MSANTD3: variants seen among roughly 807,000 people sequenced by gnomAD.
MSANTD3 encodes Myb/SANT DNA binding domain containing 3, also known as myb/SANT-like DNA-binding domain-containing protein 3.
Under a neutral mutation model 27.7 loss-of-function variants are expected in MSANTD3, and 11 were observed. The ratio of observed to expected loss-of-function variants is 0.40; its 90% confidence interval spans 0.25 to 0.66. The LOEUF is 0.66. Ranked by LOEUF, MSANTD3 falls within the 30% of genes least tolerant of loss-of-function variation. MSANTD3 has a pLI of 0.41. For synonymous variants in MSANTD3, 131 were observed against 127.2 expected (o/e 1.03, Z -0.20); for missense variants, 250 against 336.5 (o/e 0.74, Z 2.01).
At chr9:100,449,109 A>T in intron 2 of MSANTD3, 3 of 985,386 alleles carry the variant, frequency 3.0e-6, no homozygotes, top group Non-Finnish European at 3.6e-6. Flanking sequence ...CAAGGAGAAG[A>T]TGCTCGTTAT....
In MSANTD3 at chr9:100,442,355, A is replaced by G. The variant is rs1836648390; in HGVS notation, c.417A>G (p.Gln139=). The G allele has an allele frequency of 3.7e-6, 6 of 1,608,658 alleles. No individual in the cohort carries two copies. The highest frequency in any genetic ancestry group is 1.3e-5 in the African/African-American group (1 of 74,822). Reference sequence around the variant, plus strand: ...AATACCACCCCGACGCCTCAGCCCAAGGTATCCGTTCCTGATGCCAGTGTG... The same window carrying G: ...AATACCACCCCGACGCCTCAGCCCAGGGTATCCGTTCCTGATGCCAGTGTG... The part of the protein sequence containing the change: ...EPEYHPDASA[Q]ESFAVSNREL... The change falls in exon 2 of 3, where the codon CAA becomes CAG. Residue 139 remains glutamine (Q), a splice_region_variant and synonymous_variant. Coordinates refer to ENST00000395067, the MANE Select transcript of MSANTD3 (RefSeq NM_080655.3).
intron 2 of MSANTD3, 126 bp downstream of exon 2, chr9:100,442,482 AT>A: frequency 7.1e-7 from 1 of 1,403,820 alleles, no homozygotes; most frequent in Non-Finnish European, 9.4e-7. Context: ...AATTTTCCTA[AT>A]TCAAGATCTC....
chr9:100,429,011 C>T (rs552980997), intron 1 of MSANTD3, among the ~76,000 whole-genome samples: 137 of 152,274 alleles, frequency 9.0e-4, no homozygotes, highest in African/African-American at 3.2e-3. Flanking sequence ...CTGCAGAATA[C>T]CCAACAGGCT....
At chr9:100,432,254 C>A (rs915369559) in intron 1 of MSANTD3, among the ~76,000 whole-genome samples, 3 of 152,126 alleles carry the variant, frequency 2.0e-5, no homozygotes, top group South Asian at 2.1e-4. Context: ...GGAAAGCTCT[C>A]GAAAAGGAAA....
intron 1 of MSANTD3, among the ~76,000 whole-genome samples, chr9:100,431,190 C>CG (rs1836368885): frequency 6.6e-6 from 1 of 151,496 alleles, no homozygotes; most frequent in South Asian, 2.1e-4. Context: ...TTAGTAGAGA[C>CG]GGGGTTTTTC....
chr9:100,445,037 G>A, intron 2 of MSANTD3: 1 of 621,318 alleles, frequency 1.6e-6, no homozygotes, highest in Non-Finnish European at 2.9e-6. Flanking sequence ...GGAGGGTGGT[G>A]GAGAACCTTG....
chr9:100,442,384 G>C, intron 2 of MSANTD3, 28 bp downstream of exon 2: 1 of 1,573,684 alleles, frequency 6.4e-7, no homozygotes, highest in South Asian at 1.1e-5. Flanking sequence ...CAGTGTGCAC[G>C]CTCTCACTGG....
intron 1 of MSANTD3, among the ~76,000 whole-genome samples, chr9:100,441,603 C>T (rs923576850): frequency 1.3e-5 from 2 of 152,144 alleles, no homozygotes; most frequent in Admixed American, 6.5e-5. Flanking sequence ...CGTGCCACTG[C>T]ACTCCAGCCT....
At chr9:100,432,103 C>A (rs1176245028) in intron 1 of MSANTD3, among the ~76,000 whole-genome samples, 1 of 152,058 alleles carries the variant, frequency 6.6e-6, no homozygotes, top group Non-Finnish European at 1.5e-5. Context: ...CAACACAAGG[C>A]TGGTTCTGCA....
chr9:100,446,982 A>G (rs1007002382), intron 2 of MSANTD3, among the ~76,000 whole-genome samples: 2 of 151,960 alleles, frequency 1.3e-5, no homozygotes, highest in African/African-American at 4.8e-5. Flanking sequence ...GCCTGTTTAC[A>G]GTTTCCTTCC....
rs1318969594 is a variant in MSANTD3, at chr9:100,444,244, G to T, written c.418+1888G>T. On this transcript the variant is annotated intron_variant, in intron 2 of 2. Transcript: ENST00000395067. Reference sequence around the variant, plus strand: ...TAGTGGTTTATGTTATGAACCTCATGCATCGATTTCCAGTGTGGGAACCTC... The same window carrying T: ...TAGTGGTTTATGTTATGAACCTCATTCATCGATTTCCAGTGTGGGAACCTC... The T allele has an allele frequency of 2.6e-5, 4 of 152,266 alleles. No homozygotes were observed. The East Asian group carries it at 7.7e-4, about 29-fold the overall frequency. The allele number at this position is 152,266 out of a possible 1,614,324, so 9.4% of individuals were successfully genotyped here.
At chr9:100,445,149 T>G in intron 2 of MSANTD3, 2 of 1,528,418 alleles carry the variant, frequency 1.3e-6, no homozygotes, top group Non-Finnish European at 1.8e-6. Context: ...TGAGTTCATT[T>G]CACTCATTTT....
At chr9:100,437,594 A>G (rs1019727200) in intron 1 of MSANTD3, among the ~76,000 whole-genome samples, 2 of 152,238 alleles carry the variant, frequency 1.3e-5, no homozygotes, top group Non-Finnish European at 2.9e-5. Flanking sequence ...ATAGCCAGGC[A>G]GAATGCAACC....
chr9:100,448,148 G>C lies in MSANTD3; in HGVS notation c.419-2409G>C, dbSNP rs945082501. 1.6e-5 allele frequency: 14 copies of C among 893,082 alleles called. No homozygotes were observed. The African/African-American group carries it at 2.9e-4, about 19-fold the overall frequency. The allele number at this position is 893,082 out of a possible 1,614,324, so 55.3% of individuals were successfully genotyped here. On this transcript the variant is annotated intron_variant, in intron 2 of 2. Coordinates refer to ENST00000395067, the MANE Select transcript of MSANTD3 (RefSeq NM_080655.3). Reference sequence around the variant, plus strand: ...AGAGATGGCAGTGAGCTGAGATCACGCCACTGCCCTCCAGCCTGGGTGACA... The same window carrying C: ...AGAGATGGCAGTGAGCTGAGATCACCCCACTGCCCTCCAGCCTGGGTGACA...
intron 2 of MSANTD3, among the ~76,000 whole-genome samples, chr9:100,445,489 A>T (rs1243983440): frequency 6.6e-6 from 1 of 152,266 alleles, no homozygotes; most frequent in African/African-American, 2.4e-5. Flanking sequence ...ATATTGTTAC[A>T]TGTTGAAACA....
rs180850375 is a variant in MSANTD3 at position 100,441,182 on chromosome 9, C to T, written c.-33-724C>T. 3.9e-4 allele frequency among the ~76,000 whole-genome samples: 60 copies of T among 151,952 alleles called. No individual in the cohort carries two copies. In the East Asian group the frequency reaches 7.6e-3, roughly 19 times the overall value. Reference sequence around the variant, plus strand: ...AACTCCTGACCTCGTGGTCCGCCTGCCTCAGCCTCCCACATCATATTTTAT... The same window carrying T: ...AACTCCTGACCTCGTGGTCCGCCTGTCTCAGCCTCCCACATCATATTTTAT... On this transcript the variant is annotated intron_variant, in intron 1 of 2. Transcript: ENST00000395067.
At chr9:100,439,975 A>G (rs1836566855) in intron 1 of MSANTD3, among the ~76,000 whole-genome samples, 1 of 152,208 alleles carries the variant, frequency 6.6e-6, no homozygotes, top group African/African-American at 2.4e-5. Flanking sequence ...GATAATGCTT[A>G]CTTTATTGCC....
Position 100,450,850 on chromosome 9 carries a change from A to G in MSANTD3, c.712A>G (p.Arg238Gly). 1.2e-6 allele frequency: 2 copies of G among 1,614,198 alleles called. No homozygotes were observed. Among genetic ancestry groups the G allele is most frequent in the Non-Finnish European group, 1.7e-6 (2 of 1,180,024 alleles). The change falls in exon 3 of 3, where the codon AGG becomes GGG. Residue 238 changes from arginine (R) to glycine (G), a missense_variant. Arg to Gly is a moderately radical substitution (Grantham distance 125). Coordinates refer to ENST00000395067, the MANE Select transcript of MSANTD3 (RefSeq NM_080655.3). ...RECEMAEEEH[R>G]IKMEVLNKKK... ...GTGTGAGATGGCAGAGGAGGAACAC[A>G]GGATAAAAATGGAAGTTCTCAATAA...
chr9:100,430,848 T>A (rs1023099569), intron 1 of MSANTD3, among the ~76,000 whole-genome samples: 9 of 152,162 alleles, frequency 5.9e-5, no homozygotes, highest in African/African-American at 2.2e-4. Flanking sequence ...TAGTTTGGTT[T>A]TGGCTATGGA....
Sources: allele counts gnomAD v4.1 joint callset (sites outside exome capture counted in the v4.1 genomes callset), GRCh38; gene constraint gnomAD v4.1.1; transcripts MANE v1.5; gene names NCBI Gene and HGNC (gene_info 2026-07-23, HGNC 2026-07-21).